The following EFL1 variants were observed in gnomAD, a reference collection of about 807,000 sequenced individuals.
EFL1 encodes elongation factor-like GTPase 1.
A neutral mutation model predicts 126.7 loss-of-function variants in EFL1; 76 were observed. The observed-to-expected ratio is 0.60, with a 90% CI of 0.50 to 0.73. The LOEUF is 0.73. Ranked by LOEUF, EFL1 falls within the 30% of genes least tolerant of loss-of-function variation. The pLI, the probability that EFL1 is intolerant of heterozygous loss-of-function variation, is 0.00. For missense variants in EFL1, 1,128 were observed against 1,343.2 expected (o/e 0.84, Z 2.50); for synonymous variants, 410 against 448.4 (o/e 0.91, Z 1.08).
In EFL1 at chr15:82,195,271, T is replaced by A. The variant is rs1369538259; in HGVS notation, c.1750+19446A>T. 2.0e-5 allele frequency among the ~76,000 whole-genome samples: 3 copies of A among 152,198 alleles called. No individual in the cohort carries two copies. In the East Asian group the frequency reaches 5.8e-4, roughly 29 times the overall value. ...AAATCCAGAAAACACTCAAAGTTAC[T>A]CTGAGGAGTGAAGATATTTAGAAAG... On this transcript the variant is annotated intron_variant, in intron 15 of 19. Transcript: ENST00000268206.
chr15:82,218,068 C>T (rs2074669966), intron 14 of EFL1, among the ~76,000 whole-genome samples: 2 of 152,260 alleles, frequency 1.3e-5, no homozygotes, highest in South Asian at 2.1e-4. Flanking sequence ...AGTCAGTCCT[C>T]CAGATGAGAA....
rs536166628 is a variant in EFL1 at position 82,133,232 on chromosome 15, G to C, written c.3175-2671C>G. On this transcript the variant is annotated intron_variant, in intron 19 of 19. Coordinates refer to ENST00000268206, the MANE Select transcript of EFL1 (RefSeq NM_024580.6). ...AGCCTGCATCTTTGATGGTGTCCCT[G>C]AGCCATGGTACCAGCCCTACTTGCT... Among the ~76,000 whole-genome samples the C allele has an allele frequency of 3.9e-5, 6 of 152,324 alleles. No individual in the cohort carries two copies. In the South Asian group the frequency reaches 1.2e-3, roughly 32 times the overall value.
Position 82,130,390 on chromosome 15 carries a change from G to C in EFL1, c.3346C>G (p.Leu1116Val). ...GTAGGTAGCTACTTATTTTTGCTGA[G>C]TGTCCTCTGCTTTTCTGCATGCTCC... is the stretch of plus-strand genomic sequence containing the variant. Reference protein sequence around the residue: ...IVEHAEKQRTLSKNK With the variant: ...IVEHAEKQRTVSKNK The change falls in exon 20 of 20, where the codon CTC (leucine) becomes GTC (valine). Residue 1116 changes from leucine to valine, a missense_variant. Around this residue, in one of 6 missense-constraint regions of EFL1, gnomAD observed 561 missense variants for 641.7 expected, o/e 0.87. Transcript: ENST00000268206. The C allele has an allele frequency of 1.2e-6, 2 of 1,613,806 alleles. No individual in the cohort carries two copies. Among genetic ancestry groups the C allele is most frequent in the Non-Finnish European group, 1.7e-6 (2 of 1,179,930 alleles).
intron 3 of EFL1, among the ~76,000 whole-genome samples, chr15:82,258,565 A>C (rs2075086353): frequency 6.6e-6 from 1 of 152,130 alleles, no homozygotes; most frequent in Non-Finnish European, 1.5e-5. Context: ...AAAAACAAAA[A>C]CCAAAAAACC....
chr15:82,229,256 G>C, intron 8 of EFL1, 146 bp from the exon 9 acceptor site: 1 of 657,646 alleles, frequency 1.5e-6, no homozygotes, highest in Non-Finnish European at 2.6e-6. Context: ...GTAGTTATAA[G>C]AATGCACTAA....
chr15:82,158,696 T>C (rs1233035859), intron 16 of EFL1, among the ~76,000 whole-genome samples: 1 of 152,242 alleles, frequency 6.6e-6, no homozygotes, highest in African/African-American at 2.4e-5. Flanking sequence ...CTTTCTGCAA[T>C]GCAATGATTT....
chr15:82,249,208 T>C (rs184812173), intron 4 of EFL1, among the ~76,000 whole-genome samples: 17 of 151,900 alleles, frequency 1.1e-4, no homozygotes, highest in Non-Finnish European at 2.1e-4. Context: ...CTTTAGGAAA[T>C]AGGTAGAAGG....
At chr15:82,132,682 G>GT (rs766911153) in intron 19 of EFL1, among the ~76,000 whole-genome samples, 1 of 16,148 alleles carries the variant, frequency 6.2e-5, no homozygotes, top group Non-Finnish European at 1.2e-4. Flanking sequence ...TCCAGGAATT[G>GT]GGGGGGGGGG....
chr15:82,241,185 T>G (rs2074927098), intron 5 of EFL1, 85 bp downstream of exon 5: 1 of 1,486,464 alleles, frequency 6.7e-7, no homozygotes, highest in Admixed American at 1.8e-5. Context: ...ATGTTGTGAT[T>G]GTCAGTGAAA....
chr15:82,144,649 T>C (rs1023404933), intron 18 of EFL1, among the ~76,000 whole-genome samples: 4 of 152,180 alleles, frequency 2.6e-5, no homozygotes, highest in South Asian at 4.1e-4. Flanking sequence ...CTTTGTTGAA[T>C]TGAATTACAA....
At chr15:82,210,604 G>T (rs1377727047) in intron 15 of EFL1, among the ~76,000 whole-genome samples, 1 of 151,958 alleles carries the variant, frequency 6.6e-6, no homozygotes, top group Admixed American at 6.6e-5. Context: ...GCTCATGCCT[G>T]TAATCCCAGC....
At chr15:82,237,469 A>C (rs1170181197) in intron 7 of EFL1, among the ~76,000 whole-genome samples, 1 of 152,230 alleles carries the variant, frequency 6.6e-6, no homozygotes, top group Non-Finnish European at 1.5e-5. Context: ...ATATTAGTAC[A>C]CACCCAACAG....
chr15:82,147,955 G>A (rs2073866350), intron 18 of EFL1, among the ~76,000 whole-genome samples: 1 of 152,204 alleles, frequency 6.6e-6, no homozygotes, highest in South Asian at 2.1e-4. Context: ...GCTAAAGACA[G>A]TGCAAAGAGC....
chr15:82,222,198 C>T (rs946606065), intron 12 of EFL1, among the ~76,000 whole-genome samples: 5 of 152,124 alleles, frequency 3.3e-5, no homozygotes, highest in Non-Finnish European at 7.4e-5. Flanking sequence ...TATATTATAG[C>T]ACATAATTTA....
chr15:82,196,562 A>G (rs561201249), intron 15 of EFL1, among the ~76,000 whole-genome samples: 1 of 152,374 alleles, frequency 6.6e-6, no homozygotes, highest in African/African-American at 2.4e-5. Flanking sequence ...TTTGCTGAGC[A>G]AGTCAAAATC....
intron 18 of EFL1, among the ~76,000 whole-genome samples, chr15:82,140,766 T>A (rs1482979608): frequency 6.6e-6 from 1 of 152,164 alleles, no homozygotes; most frequent in East Asian, 1.9e-4. Context: ...TTCCAACTAT[T>A]TCCCCCGTCA....
At chr15:82,169,513 C>A (rs2074112244) in intron 15 of EFL1, among the ~76,000 whole-genome samples, 2 of 152,254 alleles carry the variant, frequency 1.3e-5, no homozygotes, top group Admixed American at 1.3e-4. Context: ...AGATTCCTGA[C>A]ATGGACAACT....
chr15:82,190,145 T>C (rs187227389), intron 15 of EFL1, among the ~76,000 whole-genome samples: 66 of 152,090 alleles, frequency 4.3e-4, no homozygotes, highest in Admixed American at 3.2e-3. Flanking sequence ...GTTACTTTCC[T>C]TTGAGTTCTA....
At chr15:82,149,353 T>A (rs1198311333) in intron 18 of EFL1, among the ~76,000 whole-genome samples, 1 of 152,216 alleles carries the variant, frequency 6.6e-6, no homozygotes, top group East Asian at 1.9e-4. Context: ...ACCAAAAATT[T>A]GGATTCTGCT....
Sources: gnomAD v4.1 joint callset for allele counts (sites outside exome capture counted in the v4.1 genomes callset) on GRCh38, gnomAD v4.1.1 for gene constraint, gnomAD v4.1.1 regional missense constraint, MANE v1.5 for transcripts, NCBI Gene and HGNC (gene_info 2026-07-23, HGNC 2026-07-21) for gene names.